Variants in TBC1D9B observed in about 807,000 individuals in gnomAD.
The protein encoded by TBC1D9B is TBC1 domain family, member 9B (with GRAM domain).
Under a neutral mutation model 121.1 loss-of-function variants are expected in TBC1D9B, and 87 were observed. The observed-to-expected ratio is 0.72, with a 90% CI of 0.60 to 0.86. The LOEUF is 0.86. Among genes scored for constraint, TBC1D9B ranks in the 40% least tolerant of loss-of-function variants. The probability of loss-of-function intolerance (pLI) is 0.00; values close to 1 mark genes in which losing one functional copy is unlikely to be tolerated. For synonymous variants in TBC1D9B, 668 were observed against 670.1 expected (o/e 1.00, Z 0.05); for missense variants, 1,540 against 1,628.6 (o/e 0.95, Z 0.94).
Position 179,865,159 on chromosome 5 carries a change from C to T in TBC1D9B, c.3021+95G>A. 8.3e-7 allele frequency: 1 copy of T among 1,198,996 alleles called. No individual in the cohort carries two copies. Among genetic ancestry groups the T allele is most frequent in the Non-Finnish European group, 1.2e-6 (1 of 811,024 alleles). The allele number at this position is 1,198,996 out of a possible 1,614,324, so 74.3% of individuals were successfully genotyped here. A position where few individuals can be genotyped will look rare whatever the true frequency, so the allele number is the denominator to read the frequency against. ...AGGCAGGGAGGAGCCTTCCCACCCA[C>T]CAGGAGATGCTGCAGTGCAGGTGCG... On this transcript the variant is annotated intron_variant, in intron 20 of 20. Transcript: ENST00000355235. This position sits in a 1 kb window ranked among gnomAD's most constrained non-coding sequence, Gnocchi z 5.1.
Position 179,879,039 on chromosome 5 carries a change from C to T in TBC1D9B, c.1567+8G>A, listed in dbSNP as rs903181956. The T allele has an allele frequency of 1.9e-6, 3 of 1,600,116 alleles. No homozygotes were observed. The highest frequency in any genetic ancestry group is 2.5e-6 in the Non-Finnish European group (3 of 1,179,392). ...AGCTGAGGCTGGGGGTGGCTGCACCCCACTCACCGGAGAAGAGGAGCCACA... is the reference window on the plus strand; with the variant it reads ...AGCTGAGGCTGGGGGTGGCTGCACCTCACTCACCGGAGAAGAGGAGCCACA... On this transcript the variant is annotated splice_region_variant and intron_variant, in intron 9 of 20. Transcript: ENST00000355235.
At position 179,891,524 on chromosome 5, in the gene TBC1D9B, T is replaced by C; in HGVS notation, c.899A>G (p.Glu300Gly). The C allele has an allele frequency of 6.2e-7, 1 of 1,613,940 alleles. No homozygotes were observed. The highest frequency in any genetic ancestry group is 8.5e-7 in the Non-Finnish European group (1 of 1,180,006). Reference sequence around the variant, plus strand: ...GCAGCTTGTGTGGCCGTCTAGCCGCTCATCCCTGGGCAGCCGGAACGTGGC... The same window carrying C: ...GCAGCTTGTGTGGCCGTCTAGCCGCCCATCCCTGGGCAGCCGGAACGTGGC... ...YRATFRLPRD[E>G]RLDGHTSCTL... The change falls in exon 6 of 21, where the codon GAG (glutamate) becomes GGG (glycine). Residue 300 changes from glutamate (E) to glycine (G), a missense_variant. Glu to Gly is a moderately conservative substitution (Grantham distance 98, BLOSUM62 -2). Coordinates refer to ENST00000355235, the MANE Select transcript of TBC1D9B (RefSeq NM_015043.4). The surrounding 1 kb of genome is among the most constrained non-coding windows in gnomAD (Gnocchi z 4.3).
chr5:179,906,436 C>A, intron 1 of TBC1D9B, among the ~76,000 whole-genome samples: 1 of 152,242 alleles, frequency 6.6e-6, no homozygotes, highest in East Asian at 1.9e-4. Context: ...AATGAGACGA[C>A]CCACATAAGC....
Position 179,885,159 on chromosome 5 carries a change from G to C in TBC1D9B, c.1254+2944C>G, listed in dbSNP as rs1190392021. Among the ~76,000 whole-genome samples, 2 of 152,086 alleles carry C rather than the reference G, an allele frequency of 1.3e-5. No individual in the cohort carries two copies. Among genetic ancestry groups the C allele is most frequent in the Non-Finnish European group, 2.9e-5 (2 of 68,022 alleles). ...GCACTGCCCAAGAGAGATGATGAGA[G>C]CCACAAATGTAATTGTAAATTTTCT... On this transcript the variant is annotated intron_variant, in intron 7 of 20. Transcript: ENST00000355235. This position sits in a 1 kb window ranked among gnomAD's most constrained non-coding sequence, Gnocchi z 4.5.
Position 179,895,101 on chromosome 5 carries a change from T to G in TBC1D9B, c.349-487A>C, listed in dbSNP as rs184570410. 5.1e-3 allele frequency among the ~76,000 whole-genome samples: 774 copies of G among 152,298 alleles called. 5 individuals carry two copies. The highest frequency in any genetic ancestry group is 0.018 in the African/African-American group (737 of 41,564). ...GTCTCAAACTCCTGGGCTCAAGTGA[T>G]CCGCCCGCCTCAGCCTCCCAAAGTG... On this transcript the variant is annotated intron_variant, in intron 3 of 20. Transcript: ENST00000355235.
chr5:179,896,800 G>C (rs1034931586), intron 3 of TBC1D9B, among the ~76,000 whole-genome samples: 17 of 152,172 alleles, frequency 1.1e-4, no homozygotes, highest in Non-Finnish European at 2.2e-4. Context: ...CTAGGATTAC[G>C]GGTGTGAGAC....
At chr5:179,886,669 T>C (rs770551283) in intron 7 of TBC1D9B, among the ~76,000 whole-genome samples, 1 of 152,232 alleles carries the variant, frequency 6.6e-6, no homozygotes, top group Non-Finnish European at 1.5e-5. Context: ...CTCTAGAGCA[T>C]GGAGGACACG....
Position 179,865,507 on chromosome 5 carries a change from G to C in TBC1D9B, c.2915-147C>G. The stretch of plus-strand genomic sequence containing the variant: ...CCTGGCGTTTGGGAAGGTGGTCATG[G>C]GAAAAAAACCCAGAACAGCCACAGG... On this transcript the variant is annotated intron_variant, in intron 19 of 20. Transcript: ENST00000355235. This position sits in a 1 kb window ranked among gnomAD's most constrained non-coding sequence, Gnocchi z 5.1. The C allele has an allele frequency of 1.3e-6, 1 of 753,746 alleles. No individual in the cohort carries two copies. Among genetic ancestry groups the C allele is most frequent in the Non-Finnish European group, 2.2e-6 (1 of 456,830 alleles). 46.7% of individuals were successfully genotyped at this position (753,746 alleles called of 1,614,324 possible). A position where few individuals can be genotyped will look rare whatever the true frequency, so the allele number is the denominator to read the frequency against.
intron 18 of TBC1D9B, chr5:179,867,567 CAA>C (rs769511336): frequency 1.3e-6 from 2 of 1,535,110 alleles, no homozygotes; most frequent in Non-Finnish European, 1.8e-6. Context: ...GACAGAGACA[CAA>C]GAGAAACAGG....
intron 17 of TBC1D9B, 93 bp downstream of exon 17, chr5:179,869,676 G>A (rs761609312): frequency 1.8e-5 from 26 of 1,409,688 alleles, no homozygotes; most frequent in South Asian, 7.2e-5. Context: ...GTGCCCCCTC[G>A]AGGCCCCACA....
chr5:179,899,362 C>A, intron 2 of TBC1D9B, 55 bp from the exon 3 acceptor site: 3 of 1,474,288 alleles, frequency 2.0e-6, no homozygotes, highest in Non-Finnish European at 2.8e-6. Context: ...AGGCCTTAAA[C>A]GCACATTCAA....
At chr5:179,880,364 A>G (rs1196677298) in intron 7 of TBC1D9B, among the ~76,000 whole-genome samples, 1 of 152,220 alleles carries the variant, frequency 6.6e-6, no homozygotes, top group East Asian at 1.9e-4. Flanking sequence ...GGCAGAAAGC[A>G]AAGTCCAGTG....
chr5:179,877,815 C>G (rs74447348), intron 10 of TBC1D9B, among the ~76,000 whole-genome samples: 3,504 of 152,204 alleles, frequency 0.023, 67 homozygotes, highest in Middle Eastern at 0.048. Flanking sequence ...CACAGTAAGG[C>G]AAATACTGTG....
In TBC1D9B at chr5:179,873,215, G is replaced by C; in HGVS notation, c.2220C>G (p.Val740=). 6.2e-7 allele frequency: 1 copy of C among 1,612,896 alleles called. No homozygotes were observed. Among genetic ancestry groups the C allele is most frequent in the Non-Finnish European group, 8.5e-7 (1 of 1,179,514 alleles). The stretch of plus-strand genomic sequence containing the variant: ...CACGGAGGTGCGGGATAGGAGGAGA[G>C]ACACTCTGCTTGTTGACCACATTAT... ...YLDNVVNKQS[V]SPPIPHLRAL... Residue 740 remains valine, a synonymous_variant, in exon 13 of 21, where the codon GTC becomes GTG. Transcript: ENST00000355235.
chr5:179,881,329 C>A (rs966140657), intron 7 of TBC1D9B, among the ~76,000 whole-genome samples: 1 of 152,176 alleles, frequency 6.6e-6, no homozygotes, highest in African/African-American at 2.4e-5. Flanking sequence ...CCCACTGAAC[C>A]ACACTTCTTC....
chr5:179,894,453 G>C lies in TBC1D9B; in HGVS notation c.510C>G (p.Pro170=), dbSNP rs769401280. The change falls in exon 4 of 21, where the codon CCC becomes CCG. Residue 170 remains proline, a synonymous_variant. Transcript: ENST00000355235. The stretch of plus-strand genomic sequence containing the variant: ...CCGTCAGGTACAGCCAGCCCTGCCG[G>C]GGCACGCGGCCCTTCCAGTAGCTGC... ...YSCSYWKGRV[P]RQGWLYLTVN... is the part of the protein sequence containing the mutation. The C allele has an allele frequency of 6.2e-7, 1 of 1,614,118 alleles. No homozygotes were observed. The highest frequency in any genetic ancestry group is 1.3e-5 in the African/African-American group (1 of 75,024).
chr5:179,898,152 C>CA (rs1761067692), intron 3 of TBC1D9B, among the ~76,000 whole-genome samples: 2 of 138,236 alleles, frequency 1.4e-5, no homozygotes, highest in South Asian at 2.3e-4. Flanking sequence ...CCCATCTCTA[C>CA]TTTTTTTTTT....
Position 179,890,708 on chromosome 5 carries a change from A to G in TBC1D9B, c.1044+671T>C, listed in dbSNP as rs1484752277. 1.3e-5 allele frequency among the ~76,000 whole-genome samples: 2 copies of G among 152,202 alleles called. No individual in the cohort carries two copies. Among genetic ancestry groups the G allele is most frequent in the East Asian group, 3.8e-4 (2 of 5,200 alleles). On this transcript the variant is annotated intron_variant, in intron 6 of 20. Transcript: ENST00000355235. This position sits in a 1 kb window ranked among gnomAD's most constrained non-coding sequence, Gnocchi z 5.0. ...GCCCTGCTTGGCCACAAGGAAAAGG[A>G]GGCCTTGGGACCTGTCCTGACTCAG...
intron 15 of TBC1D9B, chr5:179,870,706 C>A: frequency 4.0e-6 from 3 of 746,972 alleles, no homozygotes; most frequent in Non-Finnish European, 6.3e-6. Context: ...GGCTGAGAGA[C>A]AGAGTCCTTG....
Sources: allele counts gnomAD v4.1 joint callset (sites outside exome capture counted in the v4.1 genomes callset), GRCh38; gene constraint gnomAD v4.1.1; non-coding constraint Gnocchi (gnomAD v3.1); transcripts MANE v1.5; gene names NCBI Gene and HGNC (gene_info 2026-07-23, HGNC 2026-07-21).